TYW1: variants seen among roughly 807,000 people sequenced by gnomAD.
The protein encoded by TYW1 is tRNA-yW synthesizing protein 1 homolog.
TYW1 carries 46 observed loss-of-function variants against 96.2 expected under a neutral mutation model. The observed-to-expected ratio is 0.48, with a 90% confidence interval of 0.38 to 0.61. The LOEUF (loss-of-function observed/expected upper bound fraction) is 0.61, where lower values mean the gene tolerates loss of function less well. Among genes scored for constraint, TYW1 ranks in the 20% least tolerant of loss-of-function variants. TYW1 has a pLI of 0.00. For synonymous variants in TYW1, 274 were observed against 323.0 expected (o/e 0.85, Z 1.63); for missense variants, 684 against 909.6 (o/e 0.75, Z 3.19).
At chr7:67,213,487 T>G in intron 15 of TYW1, among the ~76,000 whole-genome samples, 1 of 152,242 alleles carries the variant, frequency 6.6e-6, no homozygotes, top group Non-Finnish European at 1.5e-5. Context: ...GTGGTTTGAC[T>G]CTTCATTCTC....
At chr7:67,148,425 A>ATTTTTT (rs34723740) in intron 13 of TYW1, among the ~76,000 whole-genome samples, 2 of 109,378 alleles carry the variant, frequency 1.8e-5, no homozygotes, top group African/African-American at 3.8e-5. Flanking sequence ...CTTGAAAGTG[A>ATTTTTT]TTTTTTTTTT....
rs532759593 is a variant in TYW1 at position 67,150,901 on chromosome 7, TC to T, written c.1699-32223del. 9.5e-4 allele frequency among the ~76,000 whole-genome samples: 144 copies of T among 152,212 alleles called. 1 individual carries two copies. Among genetic ancestry groups the T allele is most frequent in the African/African-American group, 3.4e-3 (140 of 41,416 alleles). On this transcript the variant is annotated intron_variant, in intron 13 of 15. Transcript: ENST00000359626. ...AAACCTGTGGGTAAATTTTATTTAA[TC>T]CATTTAATGTATCCTATTTCAAACT...
intron 3 of TYW1, among the ~76,000 whole-genome samples, chr7:67,004,446 T>C (rs998004373): frequency 6.6e-6 from 1 of 152,160 alleles, no homozygotes; most frequent in Non-Finnish European, 1.5e-5. Context: ...CCTCTCTTGC[T>C]ATGTGATCTT....
At chr7:67,034,471 G>GT (rs1794771067) in intron 7 of TYW1, among the ~76,000 whole-genome samples, 1 of 152,038 alleles carries the variant, frequency 6.6e-6, no homozygotes, top group Non-Finnish European at 1.5e-5. Context: ...CTCTGTTCCT[G>GT]TTTTTCCTGG....
intron 15 of TYW1, among the ~76,000 whole-genome samples, chr7:67,207,238 A>G (rs1303008809): frequency 1.3e-5 from 2 of 152,206 alleles, no homozygotes; most frequent in East Asian, 1.9e-4. Flanking sequence ...TAACTGGTAC[A>G]TATCAGATTC....
intron 12 of TYW1, among the ~76,000 whole-genome samples, chr7:67,108,719 G>C (rs2115919489): frequency 6.6e-6 from 1 of 152,082 alleles, no homozygotes; most frequent in East Asian, 1.9e-4. Context: ...TGGGATTACA[G>C]ACATGAGCCA....
chr7:67,118,878 G>GAAAA (rs60194362), intron 13 of TYW1, among the ~76,000 whole-genome samples: 4 of 72,264 alleles, frequency 5.5e-5, no homozygotes, highest in African/African-American at 1.2e-4. Flanking sequence ...ACCCCTATCT[G>GAAAA]AAAAAAAAAA....
intron 13 of TYW1, among the ~76,000 whole-genome samples, chr7:67,168,683 G>T (rs1799426729): frequency 1.3e-5 from 2 of 151,996 alleles, no homozygotes; most frequent in African/African-American, 2.4e-5. Context: ...CCTAGTAATA[G>T]TATGCATATT....
chr7:67,132,167 C>T, intron 13 of TYW1, among the ~76,000 whole-genome samples: 1 of 143,618 alleles, frequency 7.0e-6, no homozygotes, highest in South Asian at 2.3e-4. Context: ...TGGAGTGCCA[C>T]AAGTATGATC....
chr7:67,105,222 C>T (rs1374189229), intron 12 of TYW1, among the ~76,000 whole-genome samples: 1 of 152,230 alleles, frequency 6.6e-6, no homozygotes, highest in African/African-American at 2.4e-5. Flanking sequence ...GGCAGGGGCA[C>T]TTGGGTACTG....
chr7:67,062,832 A>G (rs555666481), intron 9 of TYW1, among the ~76,000 whole-genome samples: 2 of 152,338 alleles, frequency 1.3e-5, no homozygotes, highest in East Asian at 3.9e-4. Flanking sequence ...GTGATATCCT[A>G]GTTTTCAATG....
chr7:67,028,238 CA>C (rs58455978), intron 7 of TYW1, among the ~76,000 whole-genome samples: 32,805 of 105,348 alleles, frequency 0.31, 3,876 homozygotes, highest in East Asian at 0.5. Context: ...GACTCTGTCT[CA>C]AAAAAAAAAA....
intron 14 of TYW1, 98 bp downstream of exon 14, chr7:67,183,334 G>C (rs1488925827): frequency 9.7e-7 from 1 of 1,026,450 alleles, no homozygotes; most frequent in African/African-American, 1.6e-5. Flanking sequence ...AACTCTAGAG[G>C]TCCCAGGAAT....
At chr7:67,020,002 A>G (rs1384753195) in intron 6 of TYW1, among the ~76,000 whole-genome samples, 1 of 152,374 alleles carries the variant, frequency 6.6e-6, no homozygotes, top group Non-Finnish European at 1.5e-5. Flanking sequence ...TTTCATTCCA[A>G]TTTCATTTCA....
chr7:67,096,128 G>A (rs1028611042), intron 11 of TYW1, among the ~76,000 whole-genome samples: 1 of 152,150 alleles, frequency 6.6e-6, no homozygotes, highest in African/African-American at 2.4e-5. Flanking sequence ...GGTGGCTCAC[G>A]CCTGTAATCC....
At chr7:67,134,018 AGC>A (rs1798168513) in intron 13 of TYW1, among the ~76,000 whole-genome samples, 1 of 151,948 alleles carries the variant, frequency 6.6e-6, no homozygotes, top group Non-Finnish European at 1.5e-5. Context: ...TTTTTTCCAT[AGC>A]AGCATCAACT....
At position 67,232,536 on chromosome 7, in the gene TYW1, G is replaced by A. The variant is rs1284267257; in HGVS notation, c.1978-5772G>A. On this transcript the variant is annotated intron_variant, in intron 15 of 15. Coordinates refer to ENST00000359626, the MANE Select transcript of TYW1 (RefSeq NM_018264.4). ...AGCCTGGGCAACAGAGCATGACTCC[G>A]TCTCAAAAATAAATAAATAAAAATA... Among the ~76,000 whole-genome samples the A allele has an allele frequency of 1.0e-4, 9 of 86,538 alleles. 2 individuals are homozygous for A. Among genetic ancestry groups the A allele is most frequent in the Admixed American group, 3.3e-4 (3 of 9,004 alleles). The allele number at this position is 86,538 out of a possible 152,430, so 56.8% of individuals were successfully genotyped here. A position where few individuals can be genotyped will look rare whatever the true frequency, so the allele number is the denominator to read the frequency against.
intron 13 of TYW1, among the ~76,000 whole-genome samples, chr7:67,137,241 T>G (rs1012689802): frequency 7.9e-5 from 12 of 152,278 alleles, no homozygotes; most frequent in African/African-American, 2.9e-4. Flanking sequence ...TCCTTGGAAT[T>G]CCCACTTACT....
At chr7:67,067,240 G>A (rs1795893895) in intron 9 of TYW1, 45 bp from the exon 10 acceptor site, 1 of 1,597,404 alleles carries the variant, frequency 6.3e-7, no homozygotes, top group Non-Finnish European at 8.6e-7. Context: ...TTGTTTCTGT[G>A]CTTTGACAAT....
Sources: gnomAD v4.1 joint callset for allele counts (sites outside exome capture counted in the v4.1 genomes callset) on GRCh38, gnomAD v4.1.1 for gene constraint, MANE v1.5 for transcripts, NCBI Gene and HGNC (gene_info 2026-07-23, HGNC 2026-07-21) for gene names.